The following ST6GALNAC3 variants were observed in gnomAD, a reference collection of about 807,000 sequenced individuals.
ST6GALNAC3 encodes the protein ST6 N-acetylgalactosaminide alpha-2,6-sialyltransferase 3, also known as alpha-N-acetylgalactosaminide alpha-2,6-sialyltransferase 3.
Under a neutral mutation model 32.7 loss-of-function variants are expected in ST6GALNAC3, and 25 were observed. The observed-to-expected ratio is 0.76, with a 90% CI of 0.56 to 1.07. The LOEUF is 1.07. Ranked by LOEUF, ST6GALNAC3 falls within the 50% of genes least tolerant of loss-of-function variation. ST6GALNAC3 has a pLI of 0.00. For missense variants in ST6GALNAC3, 355 were observed against 382.4 expected (o/e 0.93, Z 0.60); for synonymous variants, 129 against 133.1 (o/e 0.97, Z 0.21).
intron 3 of ST6GALNAC3, among the ~76,000 whole-genome samples, chr1:76,529,891 A>G (rs1663147099): frequency 6.6e-6 from 1 of 152,212 alleles, no homozygotes; most frequent in South Asian, 2.1e-4. Context: ...TTCATAGCTC[A>G]TACATATAAA....
At chr1:76,113,110 C>T (rs1648184705) in intron 1 of ST6GALNAC3, among the ~76,000 whole-genome samples, 1 of 152,096 alleles carries the variant, frequency 6.6e-6, no homozygotes, top group Admixed American at 6.5e-5. Flanking sequence ...CCGAGGCTGG[C>T]GGATCACTCG....
At chr1:76,175,522 GTT>G (rs11406854) in intron 1 of ST6GALNAC3, among the ~76,000 whole-genome samples, 1 of 146,364 alleles carries the variant, frequency 6.8e-6, no homozygotes, top group Non-Finnish European at 1.5e-5. Flanking sequence ...CTGATGGATA[GTT>G]TTTTTTTTTT....
At chr1:76,342,343 G>A (rs544719683) in intron 2 of ST6GALNAC3, among the ~76,000 whole-genome samples, 123 of 151,916 alleles carry the variant, frequency 8.1e-4, no homozygotes, top group African/African-American at 2.9e-3. Flanking sequence ...AAAAGCATTC[G>A]TATTTCTCCA....
chr1:76,455,082 T>A (rs1657679202), intron 3 of ST6GALNAC3, among the ~76,000 whole-genome samples: 3 of 152,078 alleles, frequency 2.0e-5, no homozygotes, highest in Non-Finnish European at 1.5e-5. Context: ...ATTATTTGAC[T>A]TTTTAATACT....
intron 1 of ST6GALNAC3, among the ~76,000 whole-genome samples, chr1:76,115,245 G>C (rs1046782303): frequency 1.2e-4 from 19 of 152,142 alleles, no homozygotes; most frequent in Non-Finnish European, 2.2e-4. Context: ...TCGGAGCTTA[G>C]GCTTGGTTTT....
Position 76,313,952 on chromosome 1 carries a change from C to T in ST6GALNAC3, c.166C>T (p.Arg56Trp), listed in dbSNP as rs553311966. Residue 56 changes from arginine to tryptophan, a missense_variant, in exon 2 of 5, where the codon CGG becomes TGG. Physicochemically the swap from Arg to Trp is moderately radical, Grantham distance 101. Transcript: ENST00000328299. ...GATACCATTCTCCTACACATACAGG[C>T]GGCCCCTTCGAACTCACTATGGATA... ...KWIPFSYTYR[R>W]PLRTHYGYIN... The T allele has an allele frequency of 1.1e-5, 17 of 1,613,284 alleles. No homozygotes were observed. The highest frequency in any genetic ancestry group is 4.0e-5 in the African/African-American group (3 of 74,978).
chr1:76,218,803 C>G (rs952274754), intron 1 of ST6GALNAC3, among the ~76,000 whole-genome samples: 1 of 152,166 alleles, frequency 6.6e-6, no homozygotes, highest in African/African-American at 2.4e-5. Flanking sequence ...AGCTCTGCCA[C>G]TTCACAAAAA....
chr1:76,454,206 T>C (rs183656886), intron 3 of ST6GALNAC3, among the ~76,000 whole-genome samples: 1 of 152,286 alleles, frequency 6.6e-6, no homozygotes, highest in East Asian at 1.9e-4. Context: ...AGACAGCAGA[T>C]ACTTGGTTAG....
chr1:76,194,351 G>A (rs1654073851), intron 1 of ST6GALNAC3, among the ~76,000 whole-genome samples: 1 of 152,054 alleles, frequency 6.6e-6, no homozygotes, highest in Non-Finnish European at 1.5e-5. Flanking sequence ...TTGCGTTTTA[G>A]GACCCTTCTA....
At chr1:76,189,923 T>C (rs1200912866) in intron 1 of ST6GALNAC3, among the ~76,000 whole-genome samples, 1 of 152,144 alleles carries the variant, frequency 6.6e-6, no homozygotes, top group Non-Finnish European at 1.5e-5. Flanking sequence ...TTAGCCTGGT[T>C]GGGGGATCAA....
At chr1:76,557,152 G>T (rs1169274011) in intron 3 of ST6GALNAC3, among the ~76,000 whole-genome samples, 2 of 151,896 alleles carry the variant, frequency 1.3e-5, no homozygotes, top group East Asian at 3.9e-4. Flanking sequence ...CTCACCATTG[G>T]ATTGTCTTAG....
At chr1:76,577,279 G>T in intron 3 of ST6GALNAC3, 1 of 989,696 alleles carries the variant, frequency 1.0e-6, no homozygotes, top group Non-Finnish European at 1.2e-6. Context: ...TTCTCCAAGG[G>T]AATTGTTTTG....
chr1:76,080,647 A>AAG (rs1553152158), intron 1 of ST6GALNAC3, among the ~76,000 whole-genome samples: 2 of 151,350 alleles, frequency 1.3e-5, no homozygotes, highest in Non-Finnish European at 2.9e-5. Flanking sequence ...AAAAAAAAAA[A>AAG]CAATCAAAAA....
intron 1 of ST6GALNAC3, among the ~76,000 whole-genome samples, chr1:76,245,667 C>A (rs1557723524): frequency 6.6e-6 from 1 of 152,082 alleles, no homozygotes; most frequent in Non-Finnish European, 1.5e-5. Context: ...TTCTTAATTT[C>A]TGCCTTAATT....
At chr1:76,359,463 G>A (rs1179369896) in intron 2 of ST6GALNAC3, among the ~76,000 whole-genome samples, 1 of 152,154 alleles carries the variant, frequency 6.6e-6, no homozygotes, top group Non-Finnish European at 1.5e-5. Flanking sequence ...AATGCTATGT[G>A]AAGACTGGGG....
chr1:76,321,781 G>T (rs17098736), intron 2 of ST6GALNAC3, among the ~76,000 whole-genome samples: 26,172 of 152,070 alleles, frequency 0.17, 3,057 homozygotes, highest in African/African-American at 0.33. Flanking sequence ...AGGTTATAAT[G>T]CCAGAAAATG....
At chr1:76,144,105 G>A (rs909270193) in intron 1 of ST6GALNAC3, among the ~76,000 whole-genome samples, 1 of 151,540 alleles carries the variant, frequency 6.6e-6, no homozygotes, top group Admixed American at 6.6e-5. Flanking sequence ...TCAAACTCTA[G>A]GGCCCATGTT....
intron 1 of ST6GALNAC3, among the ~76,000 whole-genome samples, chr1:76,269,697 A>G (rs1401324354): frequency 1.3e-5 from 2 of 152,208 alleles, no homozygotes; most frequent in African/African-American, 2.4e-5. Flanking sequence ...GCCACATGCC[A>G]TGTGCTGATC....
intron 2 of ST6GALNAC3, among the ~76,000 whole-genome samples, chr1:76,320,933 G>T (rs1447099244): frequency 6.6e-6 from 1 of 150,638 alleles, no homozygotes; most frequent in Non-Finnish European, 1.5e-5. Context: ...ATGTAAAATG[G>T]TGTGTAAATG....
Sources: gnomAD v4.1 joint callset for allele counts (sites outside exome capture counted in the v4.1 genomes callset) on GRCh38, gnomAD v4.1.1 for gene constraint, MANE v1.5 for transcripts, NCBI Gene and HGNC (gene_info 2026-07-23, HGNC 2026-07-21) for gene names.